ZNF701: variants seen among roughly 807,000 people sequenced by gnomAD.
ZNF701 encodes the protein zinc finger protein 701.
ZNF701 carries 6 observed loss-of-function variants against 7.1 expected under a neutral mutation model. The ratio of observed to expected loss-of-function variants is 0.84; its 90% CI spans 0.46 to 1.66. The LOEUF (loss-of-function observed/expected upper bound fraction) is 1.66. ZNF701 is among the 40% of genes most tolerant of loss of function. ZNF701 has a pLI of 0.01. For synonymous variants in ZNF701, 166 were observed against 188.2 expected (o/e 0.88, Z 0.97); for missense variants, 541 against 559.2 (o/e 0.97, Z 0.33).
intron 3 of ZNF701, among the ~76,000 whole-genome samples, chr19:52,579,506 G>T (rs2059961323): frequency 9.0e-6 from 1 of 110,542 alleles, no homozygotes; most frequent in Non-Finnish European, 1.7e-5. Flanking sequence ...GGCAACGAGA[G>T]CGAAACTCTG....
the ZNF701 span, chr19:52,598,656 C>G: frequency 6.6e-6 from 1 of 152,598 alleles, no homozygotes; most frequent in African/African-American, 2.4e-5. Flanking sequence ...CACCTGTAAT[C>G]CCAGCACTTT....
the ZNF701 span, chr19:52,596,505 G>A: frequency 0.46 from 193,808 of 420,642 alleles, 45,258 homozygotes; most frequent in Middle Eastern, 0.54. Context: ...CTTTCATGCC[G>A]TAAGAGTTCA....
intron 3 of ZNF701, 124 bp downstream of exon 3, chr19:52,576,145 A>G (rs2059932994): frequency 6.4e-7 from 1 of 1,567,564 alleles, no homozygotes. Flanking sequence ...GTTAGAAATG[A>G]AAAGCTTCAT....
chr19:52,581,472 G>A (rs373750890), intron 3 of ZNF701, among the ~76,000 whole-genome samples: 34 of 152,030 alleles, frequency 2.2e-4, no homozygotes, highest in African/African-American at 8.0e-4. Flanking sequence ...TGCCTGTCTC[G>A]GCCTCCTAAA....
In ZNF701 at chr19:52,582,340, T is replaced by C. The variant is rs560095799; in HGVS notation, c.281T>C (p.Ile94Thr). Residue 94 changes from isoleucine (I) to threonine (T), a missense_variant, in exon 4 of 4, where the codon ATT becomes ACT. Ile to Thr is a moderately conservative substitution (Grantham distance 89, BLOSUM62 -1). Transcript: ENST00000391785. The stretch of plus-strand genomic sequence containing the variant: ...TGCTTCCAGGAAATTGAGAAAGATA[T>C]TCATGACTTTGTGTTTCAGTGGCAA... Reference protein sequence around the residue: ...DTCFQEIEKDIHDFVFQWQEN... With the variant: ...DTCFQEIEKDTHDFVFQWQEN... 3 of 1,613,818 alleles carry C rather than the reference T, an allele frequency of 1.9e-6. No homozygotes were observed. Among genetic ancestry groups the C allele is most frequent in the Admixed American group, 1.7e-5 (1 of 59,944 alleles).
At position 52,583,204 on chromosome 19, in the gene ZNF701, AC is replaced by A; in HGVS notation, c.1146del (p.Tyr382Ter). ...GTAATTCACACTGGAGAGAAACCTTACAAGTGTAATGAGTGTGGCAAGACCT... is the reference window on the plus strand; with the variant it reads ...GTAATTCACACTGGAGAGAAACCTTAAAGTGTAATGAGTGTGGCAAGACCT... ...HTVIHTGEKP[Y>X]KCNECGKTFV... On this transcript the variant is annotated frameshift_variant, in exon 4 of 4. Coordinates refer to ENST00000391785, the MANE Select transcript of ZNF701 (RefSeq NM_018260.3). LOFTEE classifies it low-confidence loss of function (END_TRUNC). The A allele has an allele frequency of 6.2e-7, 1 of 1,610,172 alleles. No homozygotes were observed. Among genetic ancestry groups the A allele is most frequent in the Non-Finnish European group, 8.5e-7 (1 of 1,177,012 alleles).
intron 3 of ZNF701, among the ~76,000 whole-genome samples, chr19:52,580,898 T>G (rs1294318225): frequency 1.3e-5 from 1 of 79,468 alleles, no homozygotes; most frequent in Non-Finnish European, 3.8e-5. Context: ...CTGAGACATG[T>G]GGATCACCTG....
chr19:52,589,688 C>T (rs955505075), downstream of ZNF701, among the ~76,000 whole-genome samples: 8 of 152,060 alleles, frequency 5.3e-5, no homozygotes, highest in African/African-American at 1.7e-4. Flanking sequence ...CCATGATGGC[C>T]ATAATTTCTT....
chr19:52,596,615 C>T, the ZNF701 span: 2 of 418,864 alleles, frequency 4.8e-6, no homozygotes, highest in South Asian at 3.8e-5. Flanking sequence ...GGAAATCTTA[C>T]AAATGTAAGG....
Position 52,583,710 on chromosome 19 carries a change from T to G in ZNF701, c.*253T>G, listed in dbSNP as rs2059991730. 2 of 808,884 alleles carry G rather than the reference T, an allele frequency of 2.5e-6. No individual in the cohort carries two copies. Among genetic ancestry groups the G allele is most frequent in the African/African-American group, 1.7e-5 (1 of 59,356 alleles). 50.1% of individuals were successfully genotyped at this position (808,884 alleles called of 1,614,324 possible). ...TCACACTGGAAAGGAACTGTACAAG[T>G]GTAATGAGTGTGGCAGAGCCTTTGG... On this transcript the variant is annotated 3_prime_UTR_variant, in exon 4 of 4. Transcript: ENST00000391785.
rs772066574 is a variant in ZNF701 at position 52,574,107 on chromosome 19, A to G, written c.-41A>G. ...ACTTCTAAAGACTTGGTACGTGAGG[A>G]AAAAACACGGAAGAGGAAGAGGAAA... is the stretch of plus-strand genomic sequence containing the variant. On this transcript the variant is annotated 5_prime_UTR_variant, in exon 2 of 4. Transcript: ENST00000391785. 6 of 1,612,208 alleles carry G rather than the reference A, an allele frequency of 3.7e-6. No homozygotes were observed. The East Asian group carries it at 1.1e-4, about 30-fold the overall frequency.
At chr19:52,580,343 A>G (rs1176150198) in intron 3 of ZNF701, among the ~76,000 whole-genome samples, 1 of 152,062 alleles carries the variant, frequency 6.6e-6, no homozygotes. Context: ...ATTTTAAAAA[A>G]TTTAGTTCTG....
chr19:52,597,625 G>A, the ZNF701 span: 1 of 354,800 alleles, frequency 2.8e-6, no homozygotes, highest in South Asian at 2.2e-5. Flanking sequence ...ATAGATCACA[G>A]CCACACCTGG....
Position 52,583,669 on chromosome 19 carries a change from C to A in ZNF701, c.*212C>A. Reference sequence around the variant, plus strand: ...GATTTCGGGTGTGATTCACACCTGGCCCAACATACTGGAATTCACACTGGA... The same window carrying A: ...GATTTCGGGTGTGATTCACACCTGGACCAACATACTGGAATTCACACTGGA... On this transcript the variant is annotated 3_prime_UTR_variant, in exon 4 of 4. Transcript: ENST00000391785. 2 of 985,834 alleles carry A rather than the reference C, an allele frequency of 2.0e-6. No homozygotes were observed. Among genetic ancestry groups the A allele is most frequent in the Non-Finnish European group, 3.3e-6 (2 of 611,746 alleles). The allele number at this position is 985,834 out of a possible 1,614,324, so 61.1% of individuals were successfully genotyped here.
At chr19:52,578,472 C>T (rs927892263) in intron 3 of ZNF701, among the ~76,000 whole-genome samples, 2 of 152,126 alleles carry the variant, frequency 1.3e-5, no homozygotes, top group African/African-American at 4.8e-5. Context: ...TTTGGGGCCA[C>T]TACCTGTCTC....
In ZNF701 at chr19:52,584,324, T is replaced by G. The variant is rs958208808; in HGVS notation, c.*867T>G. 2 of 198,732 alleles carry G rather than the reference T, an allele frequency of 1.0e-5. No homozygotes were observed. Among genetic ancestry groups the G allele is most frequent in the African/African-American group, 4.7e-5 (2 of 42,112 alleles). The allele number at this position is 198,732 out of a possible 1,614,324, so 12.3% of individuals were successfully genotyped here. A position where few individuals can be genotyped will look rare whatever the true frequency, so the allele number is the denominator to read the frequency against. On this transcript the variant is annotated 3_prime_UTR_variant, in exon 4 of 4. Coordinates refer to ENST00000391785, the MANE Select transcript of ZNF701 (RefSeq NM_018260.3). ...GAAGCATTAATTGACATTAAAGTGT[T>G]TATGTTAAGAGGATTGGGCCAGGCG...
chr19:52,595,995 C>T, the ZNF701 span: 1 of 1,589,692 alleles, frequency 6.3e-7, no homozygotes, highest in Non-Finnish European at 8.6e-7. Context: ...GCTTCCTCAG[C>T]TTCAACATCC....
chr19:52,591,545 G>C (rs1173060656), downstream of ZNF701, among the ~76,000 whole-genome samples: 1 of 152,156 alleles, frequency 6.6e-6, no homozygotes, highest in African/African-American at 2.4e-5. Flanking sequence ...CTGAGTTGCA[G>C]TGGCACAATC....
intron 3 of ZNF701, among the ~76,000 whole-genome samples, chr19:52,577,273 TG>T (rs1193079918): frequency 6.6e-6 from 1 of 152,044 alleles, no homozygotes; most frequent in Non-Finnish European, 1.5e-5. Context: ...CTAATTTTTG[TG>T]TTTTTAGTAG....
Sources: allele counts gnomAD v4.1 joint callset (sites outside exome capture counted in the v4.1 genomes callset), GRCh38; gene constraint gnomAD v4.1.1; transcripts MANE v1.5; gene names NCBI Gene and HGNC (gene_info 2026-07-23, HGNC 2026-07-21).